HNF4G: variants seen among roughly 807,000 people sequenced by gnomAD.
The protein encoded by HNF4G is hepatocyte nuclear factor 4 gamma.
A neutral mutation model predicts 50.9 loss-of-function variants in HNF4G; 21 were observed. That is an observed-to-expected ratio of 0.41 (90% CI 0.29 to 0.59). The LOEUF is 0.59. Among genes scored for constraint, HNF4G ranks in the 20% least tolerant of loss-of-function variants. The pLI is 0.26. For missense variants in HNF4G, 527 were observed against 559.4 expected (o/e 0.94, Z 0.58); for synonymous variants, 198 against 185.6 (o/e 1.07, Z -0.54).
intron 2 of HNF4G, among the ~76,000 whole-genome samples, chr8:75,496,457 G>C (rs181433084): frequency 2.0e-4 from 31 of 151,664 alleles, no homozygotes; most frequent in Middle Eastern, 3.4e-3. Flanking sequence ...AACCTTAACT[G>C]CTCACTCAAA....
intron 2 of HNF4G, among the ~76,000 whole-genome samples, chr8:75,518,704 G>C (rs934220576): frequency 6.6e-6 from 1 of 152,016 alleles, no homozygotes; most frequent in African/African-American, 2.4e-5. Context: ...TCCCAAGACT[G>C]CACAAAGCCG....
chr8:75,518,670 A>G (rs1805959626), intron 2 of HNF4G, among the ~76,000 whole-genome samples: 1 of 152,136 alleles, frequency 6.6e-6, no homozygotes, highest in Non-Finnish European at 1.5e-5. Flanking sequence ...ACATTTAGCC[A>G]CAGCTGGGAC....
chr8:75,416,238 T>G (rs1376883597), intron 1 of HNF4G, among the ~76,000 whole-genome samples: 1 of 152,186 alleles, frequency 6.6e-6, no homozygotes, highest in East Asian at 1.9e-4. Flanking sequence ...ATATTCTGAT[T>G]TCATTGTCTT....
chr8:75,507,816 T>A (rs1490682715), intron 2 of HNF4G, among the ~76,000 whole-genome samples: 1 of 152,104 alleles, frequency 6.6e-6, no homozygotes, highest in African/African-American at 2.4e-5. Context: ...TAAGCAGAGA[T>A]GTGCAAAGTT....
chr8:75,424,986 C>G (rs759377508), intron 1 of HNF4G, among the ~76,000 whole-genome samples: 11 of 152,146 alleles, frequency 7.2e-5, no homozygotes, highest in Non-Finnish European at 1.3e-4. Flanking sequence ...TCCACAGTGA[C>G]TGAACTAATT....
chr8:75,459,886 T>C (rs1274611166), intron 1 of HNF4G, among the ~76,000 whole-genome samples: 1 of 151,672 alleles, frequency 6.6e-6, no homozygotes, highest in East Asian at 1.9e-4. Flanking sequence ...GTAATTCACA[T>C]ACAAATGGAA....
rs1346129901 is a variant in HNF4G at position 75,540,027 on chromosome 8, C to T, written c.65C>T (p.Pro22Leu). The stretch of plus-strand genomic sequence containing the variant: ...GCAAATTACAGTGAAGTTTTGGACC[C>T]AACTTACACAACTTTGGAGTTTGAA... Reference protein sequence around the residue: ...DMANYSEVLDPTYTTLEFETM... With the variant: ...DMANYSEVLDLTYTTLEFETM... Residue 22 changes from proline (P) to leucine (L), a missense_variant, in exon 1 of 10, where the codon CCA becomes CTA. Pro to Leu is a moderately conservative substitution (Grantham distance 98, BLOSUM62 -3). This residue lies in a region of HNF4G where 84 missense variants were observed against 87.1 expected (regional missense o/e 0.96). Coordinates refer to ENST00000396423, the MANE Select transcript of HNF4G (RefSeq NM_004133.5). The T allele has an allele frequency of 1.2e-6, 2 of 1,609,328 alleles. No individual in the cohort carries two copies. The highest frequency in any genetic ancestry group is 1.1e-5 in the South Asian group (1 of 90,994).
chr8:75,414,502 A>C (rs1301058818), intron 1 of HNF4G, among the ~76,000 whole-genome samples: 1 of 152,126 alleles, frequency 6.6e-6, no homozygotes, highest in Non-Finnish European at 1.5e-5. Context: ...ACACCTCCAA[A>C]GGTTTTCTAA....
intron 1 of HNF4G, among the ~76,000 whole-genome samples, chr8:75,432,965 G>A (rs192008572): frequency 6.6e-6 from 1 of 152,246 alleles, no homozygotes; most frequent in East Asian, 1.9e-4. Flanking sequence ...CCAGCTCTTT[G>A]AATGAGCCAT....
intron 1 of HNF4G, among the ~76,000 whole-genome samples, chr8:75,411,622 G>A (rs1012715060): frequency 6.6e-6 from 1 of 152,108 alleles, no homozygotes; most frequent in Non-Finnish European, 1.5e-5. Context: ...AAAACGAATA[G>A]GGAGTTCACT....
At chr8:75,486,381 T>A (rs991643455) in intron 1 of HNF4G, among the ~76,000 whole-genome samples, 2 of 152,228 alleles carry the variant, frequency 1.3e-5, no homozygotes, top group Non-Finnish European at 2.9e-5. Flanking sequence ...TATATTTTAA[T>A]AACCAGATTT....
Position 75,558,924 on chromosome 8 carries a change from T to C in HNF4G, c.1010T>C (p.Leu337Pro). The C allele has an allele frequency of 1.2e-6, 2 of 1,614,094 alleles. No individual in the cohort carries two copies. Among genetic ancestry groups the C allele is most frequent in the Non-Finnish European group, 1.7e-6 (2 of 1,179,966 alleles). ...CGGGGGAGGTTTGGAGAGTTGCTTC[T>C]GCTCCTGCCCACACTGCAGAGCATC... ...DSRGRFGELLLLLPTLQSITW... is the reference protein window; with the variant it reads ...DSRGRFGELLPLLPTLQSITW... Residue 337 changes from leucine to proline, a missense_variant, in exon 8 of 10, where the codon CTG (leucine) becomes CCG (proline). Leu to Pro is a moderately conservative substitution (Grantham distance 98). Around this residue, in one of 5 missense-constraint regions of HNF4G, gnomAD observed 308 missense variants for 301.5 expected, o/e 1.02. Coordinates refer to ENST00000396423, the MANE Select transcript of HNF4G (RefSeq NM_004133.5).
chr8:75,509,489 T>C (rs889030624), intron 2 of HNF4G, among the ~76,000 whole-genome samples: 6 of 152,218 alleles, frequency 3.9e-5, no homozygotes, highest in Admixed American at 3.3e-4. Flanking sequence ...GGGACACATG[T>C]ATTTTAATAA....
At chr8:75,410,250 T>C (rs1810469433) in intron 1 of HNF4G, among the ~76,000 whole-genome samples, 1 of 152,180 alleles carries the variant, frequency 6.6e-6, no homozygotes. Flanking sequence ...AGGGAGATGT[T>C]TGATAGATAT....
At chr8:75,508,532 A>G (rs192785240) in intron 2 of HNF4G, among the ~76,000 whole-genome samples, 2 of 152,356 alleles carry the variant, frequency 1.3e-5, no homozygotes, top group Admixed American at 6.5e-5. Context: ...TTATTCATTT[A>G]TTCAAAAGCT....
chr8:75,467,076 G>A (rs1812006631), intron 1 of HNF4G, among the ~76,000 whole-genome samples: 1 of 151,990 alleles, frequency 6.6e-6, no homozygotes, highest in African/African-American at 2.4e-5. Flanking sequence ...TAGTTCCTTA[G>A]AATATTTTCA....
At chr8:75,509,231 A>G (rs943036995) in intron 2 of HNF4G, among the ~76,000 whole-genome samples, 8 of 152,172 alleles carry the variant, frequency 5.3e-5, no homozygotes, top group African/African-American at 1.7e-4. Flanking sequence ...AACACATCCA[A>G]GGGAAGTGTA....
At chr8:75,530,909 C>T (rs1806310397) in intron 2 of HNF4G, among the ~76,000 whole-genome samples, 1 of 151,762 alleles carries the variant, frequency 6.6e-6, no homozygotes. Flanking sequence ...TCTCCCACCT[C>T]AGCCTCCCCA....
At chr8:75,504,275 ACC>A (rs1813014120) in intron 2 of HNF4G, among the ~76,000 whole-genome samples, 1 of 147,940 alleles carries the variant, frequency 6.8e-6, no homozygotes, top group South Asian at 2.2e-4. Flanking sequence ...ACACACACAC[ACC>A]AAAAACAACA....
Sources: allele counts gnomAD v4.1 joint callset (sites outside exome capture counted in the v4.1 genomes callset), GRCh38; gene constraint gnomAD v4.1.1; regional missense constraint gnomAD v4.1.1; transcripts MANE v1.5; gene names NCBI Gene and HGNC (gene_info 2026-07-23, HGNC 2026-07-21).